Variants in KIF25 observed in about 807,000 individuals in gnomAD.
KIF25 encodes kinesin-like protein KIF25.
In KIF25, 19 loss-of-function variants were observed where a neutral mutation model predicts 32.9. The observed-to-expected ratio is 0.58, with a 90% confidence interval of 0.40 to 0.85. KIF25 has a LOEUF of 0.85. Among genes scored for constraint, KIF25 ranks in the 40% least tolerant of loss-of-function variants. KIF25 has a pLI of 0.00. For missense variants in KIF25, 485 were observed against 507.0 expected (o/e 0.96, Z 0.42); for synonymous variants, 225 against 213.7 (o/e 1.05, Z -0.46).
chr6:168,044,805 A>AT, intron 12 of KIF25, 22 bp from the exon 13 acceptor site: 2 of 1,563,008 alleles, frequency 1.3e-6, no homozygotes, highest in Non-Finnish European at 1.7e-6. Flanking sequence ...TCCAGCTTGC[A>AT]TGTTGTTTTT....
rs1799126868 is a variant in KIF25 at position 168,041,993 on chromosome 6, T to C, written c.671T>C (p.Leu224Pro). Reference sequence around the variant, plus strand: ...GCAGACCAAGCCTGCAGTGCCACCCTCCCCAGGGAGCAAACAGAGGCAGGA... The same window carrying C: ...GCAGACCAAGCCTGCAGTGCCACCCCCCCCAGGGAGCAAACAGAGGCAGGA... ...STADQACSAT[L>P]PREQTEAGRA... The change falls in exon 11 of 13, where the codon CTC becomes CCC. Residue 224 changes from leucine to proline, a missense_variant. Around this residue, in one of 2 missense-constraint regions of KIF25, gnomAD observed 480 missense variants for 470.3 expected, o/e 1.02. Transcript: ENST00000643607. 14 of 1,551,776 alleles carry C rather than the reference T, an allele frequency of 9.0e-6. No individual in the cohort carries two copies. Among genetic ancestry groups the C allele is most frequent in the Non-Finnish European group, 1.2e-5 (14 of 1,147,222 alleles).
At position 168,034,126 on chromosome 6, in the gene KIF25, T is replaced by G. The variant is rs1050031216; in HGVS notation, c.317+95T>G. ...TCACGTGGGAAAAATTATTACCATT[T>G]GAAGAAGGTGATCAAACCCCATAAT... On this transcript the variant is annotated intron_variant, in intron 8 of 12. Transcript: ENST00000643607. 14 of 1,300,840 alleles carry G rather than the reference T, an allele frequency of 1.1e-5. No individual in the cohort carries two copies. In the East Asian group the frequency reaches 1.7e-4, roughly 15 times the overall value. 80.6% of individuals were successfully genotyped at this position (1,300,840 alleles called of 1,614,324 possible).
rs893043753 is a variant in KIF25, at chr6:167,998,533, T to C, written c.-936T>C. 6.6e-6 allele frequency: 1 copy of C among 152,192 alleles called. No individual in the cohort carries two copies. Among genetic ancestry groups the C allele is most frequent in the Non-Finnish European group, 1.5e-5 (1 of 68,040 alleles). 9.4% of individuals were successfully genotyped at this position (152,192 alleles called of 1,614,324 possible). A position where few individuals can be genotyped will look rare whatever the true frequency, so the allele number is the denominator to read the frequency against. On this transcript the variant is annotated 5_prime_UTR_variant, in exon 1 of 13. Coordinates refer to ENST00000643607, the MANE Select transcript of KIF25 (RefSeq NM_030615.4). ...AGCACATACGGAGAAGATGTGTTGC[T>C]CACTGGAAACCAGTGGAGTTTATGA...
At chr6:168,042,924 G>A (rs927990208) in intron 12 of KIF25, among the ~76,000 whole-genome samples, 1 of 152,182 alleles carries the variant, frequency 6.6e-6, no homozygotes, top group African/African-American at 2.4e-5. Context: ...TGTTCGGTCT[G>A]TGTGTGACTT....
intron 5 of KIF25, among the ~76,000 whole-genome samples, chr6:168,027,454 CAAAAAAAAAA>C (rs757678230): frequency 1.1e-5 from 1 of 88,982 alleles, no homozygotes; most frequent in Non-Finnish European, 2.3e-5. Context: ...ACTCTGTCTC[CAAAAAAAAAA>C]AAAAAAAAAA....
chr6:168,008,092 T>C lies in KIF25; in HGVS notation c.-163+4389T>C, dbSNP rs188079141. Among the ~76,000 whole-genome samples, 623 of 152,340 alleles carry C rather than the reference T, an allele frequency of 4.1e-3. 7 individuals carry two copies. Among genetic ancestry groups the C allele is most frequent in the African/African-American group, 0.014 (597 of 41,590 alleles). ...GCCTACCTTATGAAGGAATACTGTA[T>C]GGATTTGGCCTACCTTATGAAAGAA... is the stretch of plus-strand genomic sequence containing the variant. On this transcript the variant is annotated intron_variant, in intron 4 of 12. Coordinates refer to ENST00000643607, the MANE Select transcript of KIF25 (RefSeq NM_030615.4).
rs980690597 is a variant in KIF25 at position 168,034,001 on chromosome 6, T to G, written c.287T>G (p.Ile96Ser). 1.1e-5 allele frequency: 17 copies of G among 1,613,998 alleles called. No homozygotes were observed. The highest frequency in any genetic ancestry group is 1.4e-5 in the Non-Finnish European group (16 of 1,180,038). Residue 96 changes from isoleucine to serine, a missense_variant, in exon 8 of 13, where the codon ATT becomes AGT. Coordinates refer to ENST00000643607, the MANE Select transcript of KIF25 (RefSeq NM_030615.4). Reference protein sequence around the residue: ...LPLDPQSDLGIIPRVAEELFR... With the variant: ...LPLDPQSDLGSIPRVAEELFR... Reference sequence around the variant, plus strand: ...CTTGACCCACAGAGTGACTTAGGAATTATCCCTAGAGTGGCTGAGGAGCTC... The same window carrying G: ...CTTGACCCACAGAGTGACTTAGGAAGTATCCCTAGAGTGGCTGAGGAGCTC...
At chr6:168,024,138 C>T (rs1249364427) in intron 5 of KIF25, among the ~76,000 whole-genome samples, 2 of 152,060 alleles carry the variant, frequency 1.3e-5, no homozygotes, top group African/African-American at 2.4e-5. Context: ...CCAGTCTTCA[C>T]GTGCAAAAGC....
chr6:168,001,998 G>A (rs1798512196), intron 2 of KIF25, among the ~76,000 whole-genome samples: 1 of 136,366 alleles, frequency 7.3e-6, no homozygotes, highest in African/African-American at 2.7e-5. Flanking sequence ...CCTCAGGCAG[G>A]TGAGAAAGAC....
At chr6:168,033,604 G>T (rs533281524) in intron 7 of KIF25, among the ~76,000 whole-genome samples, 1 of 152,250 alleles carries the variant, frequency 6.6e-6, no homozygotes, top group South Asian at 2.1e-4. Context: ...TGGATGGGGA[G>T]ATGAAAACAC....
chr6:168,031,935 G>A (rs571823201), intron 7 of KIF25, among the ~76,000 whole-genome samples: 77 of 152,270 alleles, frequency 5.1e-4, no homozygotes, highest in Non-Finnish European at 1.0e-3. Context: ...CAGGGTGGTC[G>A]GGCGCAGCTT....
chr6:168,044,892 T>C lies in KIF25; in HGVS notation c.1051T>C (p.Leu351=). 1 of 1,612,972 alleles carries C rather than the reference T, an allele frequency of 6.2e-7. No homozygotes were observed. The highest frequency in any genetic ancestry group is 2.2e-5 in the East Asian group (1 of 44,836). The stretch of plus-strand genomic sequence containing the variant: ...CAGCCAGAGGCACCTGGCACAGACG[T>C]TGCAGGGCCTGGGTTTCGGGATCCG... ...SPSQRHLAQT[L]QGLGFGIRAR... Residue 351 remains leucine (L), a synonymous_variant, in exon 13 of 13, where the codon TTG becomes CTG. Coordinates refer to ENST00000643607, the MANE Select transcript of KIF25 (RefSeq NM_030615.4).
intron 9 of KIF25, 144 bp downstream of exon 9, chr6:168,038,873 A>C: frequency 1.4e-6 from 1 of 733,254 alleles, no homozygotes; most frequent in Non-Finnish European, 2.2e-6. Context: ...TGGCCCGATC[A>C]GTGCTCCTTG....
intron 12 of KIF25, among the ~76,000 whole-genome samples, chr6:168,043,279 G>A (rs1176319719): frequency 2.0e-5 from 3 of 152,198 alleles, no homozygotes; most frequent in Admixed American, 6.5e-5. Context: ...GGGAGGACCC[G>A]AGGAAGCATT....
intron 5 of KIF25, among the ~76,000 whole-genome samples, chr6:168,024,952 G>A (rs1798839839): frequency 6.6e-6 from 1 of 152,228 alleles, no homozygotes; most frequent in Non-Finnish European, 1.5e-5. Context: ...TCGGGAGGCT[G>A]AGGCAGGAGA....
intron 2 of KIF25, among the ~76,000 whole-genome samples, chr6:168,000,429 T>C (rs13216618): frequency 2.2e-4 from 17 of 75,900 alleles, no homozygotes; most frequent in Admixed American, 4.5e-4. Context: ...CCATCCTGTC[T>C]ACACCTGACC....
intron 4 of KIF25, among the ~76,000 whole-genome samples, chr6:168,015,216 C>T (rs1349353769): frequency 3.9e-5 from 6 of 152,148 alleles, no homozygotes; most frequent in Admixed American, 2.6e-4. Flanking sequence ...TCCCTCCTGG[C>T]TGTTTTGTGT....
chr6:168,041,867 G>A, intron 10 of KIF25, 102 bp from the exon 11 acceptor site: 2 of 1,147,674 alleles, frequency 1.7e-6, no homozygotes, highest in Non-Finnish European at 2.5e-6. Context: ...GTGTGGGCAG[G>A]AGGGTGCAGT....
intron 5 of KIF25, among the ~76,000 whole-genome samples, chr6:168,026,564 T>C (rs1312951971): frequency 6.6e-6 from 1 of 152,212 alleles, no homozygotes; most frequent in Non-Finnish European, 1.5e-5. Flanking sequence ...TGTCAAAATA[T>C]TTTATTTCCA....
Sources: gnomAD v4.1 joint callset for allele counts (sites outside exome capture counted in the v4.1 genomes callset) on GRCh38, gnomAD v4.1.1 for gene constraint, gnomAD v4.1.1 regional missense constraint, MANE v1.5 for transcripts, NCBI Gene and HGNC (gene_info 2026-07-23, HGNC 2026-07-21) for gene names.